Variants in SUCLG2 observed in about 807,000 individuals in gnomAD.
The protein encoded by SUCLG2 is succinate-CoA ligase GDP-forming subunit beta.
SUCLG2 carries 42 observed loss-of-function variants against 47.9 expected under a neutral mutation model. That is an observed-to-expected ratio of 0.88 (90% CI 0.69 to 1.14). SUCLG2 has a LOEUF of 1.14. Among genes scored for constraint, SUCLG2 ranks in the 50% most tolerant of loss-of-function variants. SUCLG2 has a pLI of 0.00. For missense variants in SUCLG2, 571 were observed against 525.9 expected, an observed-to-expected ratio of 1.09 and a Z score of -0.84; for synonymous variants, 195 against 197.3, an observed-to-expected ratio of 0.99 and a Z score of 0.10.
At chr3:67,624,634 T>C (rs182406389) in intron 1 of SUCLG2, among the ~76,000 whole-genome samples, 31 of 152,356 alleles carry the variant, frequency 2.0e-4, no homozygotes, top group Admixed American at 1.5e-3. Context: ...ATGTTAGTCA[T>C]CTCTTCTCTT....
intron 2 of SUCLG2, among the ~76,000 whole-genome samples, chr3:67,564,627 T>C (rs1332685499): frequency 6.6e-6 from 1 of 152,242 alleles, no homozygotes; most frequent in Admixed American, 6.5e-5. Flanking sequence ...ACAGGCCACA[T>C]GCAGCTCAGG....
intron 9 of SUCLG2, among the ~76,000 whole-genome samples, chr3:67,458,375 T>A (rs1704240112): frequency 6.6e-6 from 1 of 152,200 alleles, no homozygotes. Flanking sequence ...GAAGCATTTA[T>A]CCAATTTGAA....
At chr3:67,407,342 T>TGAAATATTATATTTCAGAATAACA (rs1702837323) in intron 9 of SUCLG2, among the ~76,000 whole-genome samples, 1 of 152,214 alleles carries the variant, frequency 6.6e-6, no homozygotes, top group South Asian at 2.1e-4. Context: ...CATTACGTTG[T>TGAAATATTATATTTCAGAATAACA]CTTTCTTTGT....
intron 1 of SUCLG2, among the ~76,000 whole-genome samples, chr3:67,651,136 C>G (rs1427201240): frequency 6.6e-6 from 1 of 152,172 alleles, no homozygotes; most frequent in Non-Finnish European, 1.5e-5. Flanking sequence ...CTAAAAGTTT[C>G]AAAGCCAGCC....
At chr3:67,497,404 G>A (rs1157434178) in intron 8 of SUCLG2, among the ~76,000 whole-genome samples, 2 of 152,118 alleles carry the variant, frequency 1.3e-5, no homozygotes, top group African/African-American at 2.4e-5. Flanking sequence ...AGCACTATAA[G>A]CTGTGAACAA....
At chr3:67,521,514 T>C (rs939228233) in intron 4 of SUCLG2, among the ~76,000 whole-genome samples, 9 of 152,226 alleles carry the variant, frequency 5.9e-5, no homozygotes, top group Admixed American at 5.9e-4. Context: ...TCTAGTCCTT[T>C]TCTATGTATC....
At chr3:67,504,278 C>T (rs1705580696) in intron 7 of SUCLG2, among the ~76,000 whole-genome samples, 3 of 151,436 alleles carry the variant, frequency 2.0e-5, no homozygotes, top group South Asian at 2.1e-4. Flanking sequence ...GGTAGAGAAC[C>T]GAAAATGTTC....
intron 9 of SUCLG2, among the ~76,000 whole-genome samples, chr3:67,437,924 A>G (rs1703664768): frequency 6.6e-6 from 1 of 152,128 alleles, no homozygotes; most frequent in Non-Finnish European, 1.5e-5. Context: ...CCTTCAAGAG[A>G]TGGAACTCAT....
chr3:67,527,363 A>G (rs1706281947), intron 4 of SUCLG2, among the ~76,000 whole-genome samples: 1 of 152,226 alleles, frequency 6.6e-6, no homozygotes, highest in Admixed American at 6.5e-5. Flanking sequence ...GTGTAGTTGT[A>G]AAGGGATTTA....
chr3:67,388,543 G>A (rs1341395769), intron 10 of SUCLG2, among the ~76,000 whole-genome samples: 3 of 152,184 alleles, frequency 2.0e-5, no homozygotes, highest in Non-Finnish European at 4.4e-5. Context: ...CCTAATAAAG[G>A]GAAGATGAAG....
chr3:67,589,701 T>C (rs762376486), intron 2 of SUCLG2, among the ~76,000 whole-genome samples: 1 of 152,204 alleles, frequency 6.6e-6, no homozygotes, highest in Non-Finnish European at 1.5e-5. Flanking sequence ...TATACTCCTA[T>C]GCTCAAGGGG....
At chr3:67,406,294 ATG>A (rs1702806760) in intron 9 of SUCLG2, among the ~76,000 whole-genome samples, 1 of 152,212 alleles carries the variant, frequency 6.6e-6, no homozygotes, top group African/African-American at 2.4e-5. Context: ...ACGGCCTACT[ATG>A]TGCCCTGTGC....
At chr3:67,517,993 A>G (rs924385531) in intron 6 of SUCLG2, among the ~76,000 whole-genome samples, 3 of 152,226 alleles carry the variant, frequency 2.0e-5, no homozygotes, top group Middle Eastern at 3.2e-3. Flanking sequence ...ATTACCATCT[A>G]TCATGAAGTG....
Position 67,433,123 on chromosome 3 carries a change from G to A in SUCLG2, c.1063-32272C>T, listed in dbSNP as rs188833385. Among the ~76,000 whole-genome samples, 279 of 150,438 alleles carry A rather than the reference G, an allele frequency of 1.9e-3. 1 individual carries two copies. Among genetic ancestry groups the A allele is most frequent in the African/African-American group, 6.1e-3 (254 of 41,368 alleles). On this transcript the variant is annotated intron_variant, in intron 9 of 10. Transcript: ENST00000307227. The stretch of plus-strand genomic sequence containing the variant: ...TTCCTCACTGTACTTCTGGGGGTTG[G>A]GGGAGGTTGCTGCTAGCCATTTCCT...
At chr3:67,605,413 T>C (rs1700391401) in intron 2 of SUCLG2, among the ~76,000 whole-genome samples, 2 of 152,166 alleles carry the variant, frequency 1.3e-5, no homozygotes, top group Admixed American at 6.5e-5. Flanking sequence ...CAACTAGAAT[T>C]GGTTCCATAT....
intron 9 of SUCLG2, among the ~76,000 whole-genome samples, chr3:67,442,256 C>G (rs933783842): frequency 4.6e-5 from 7 of 152,062 alleles, no homozygotes; most frequent in African/African-American, 1.7e-4. Flanking sequence ...GTGATCCGCC[C>G]GCCTCGGCCT....
chr3:67,496,076 A>G, intron 8 of SUCLG2, 136 bp from the exon 9 acceptor site: 1 of 1,005,722 alleles, frequency 9.9e-7, no homozygotes, highest in Non-Finnish European at 1.4e-6. Context: ...TTGGAATTCC[A>G]TTAAACCAGA....
At chr3:67,554,221 C>T (rs1007047027) in intron 2 of SUCLG2, among the ~76,000 whole-genome samples, 2 of 152,194 alleles carry the variant, frequency 1.3e-5, no homozygotes, top group African/African-American at 4.8e-5. Flanking sequence ...TGTGCTACTA[C>T]ATGTTTTTAC....
intron 1 of SUCLG2, among the ~76,000 whole-genome samples, chr3:67,632,313 G>T (rs913337045): frequency 1.3e-5 from 2 of 152,054 alleles, no homozygotes; most frequent in African/African-American, 4.8e-5. Flanking sequence ...CTCCCAAGTA[G>T]CTGGGACTAC....
Sources: gnomAD v4.1 joint callset for allele counts (sites outside exome capture counted in the v4.1 genomes callset) on GRCh38, gnomAD v4.1.1 for gene constraint, MANE v1.5 for transcripts, NCBI Gene and HGNC (gene_info 2026-07-23, HGNC 2026-07-21) for gene names.